REEP1: variants seen among roughly 807,000 people sequenced by gnomAD.
The protein encoded by REEP1 is receptor accessory protein 1, also known as receptor expression-enhancing protein 1.
In REEP1, 22 loss-of-function variants were observed where a neutral mutation model predicts 40.3. The observed-to-expected ratio is 0.55, with a 90% CI of 0.39 to 0.78. REEP1 has a LOEUF of 0.78. Among genes scored for constraint, REEP1 ranks in the 30% least tolerant of loss-of-function variants. The probability of loss-of-function intolerance (pLI) is 0.00; values close to 1 mark genes in which losing one functional copy is unlikely to be tolerated. For missense variants in REEP1, 280 were observed against 361.1 expected, an observed-to-expected ratio of 0.78 and a Z score of 1.82; for synonymous variants, 116 against 139.2, an observed-to-expected ratio of 0.83 and a Z score of 1.17.
At chr2:86,249,216 T>C (rs576857984) in intron 5 of REEP1, among the ~76,000 whole-genome samples, 15 of 151,372 alleles carry the variant, frequency 9.9e-5, no homozygotes, top group African/African-American at 3.6e-4. Context: ...GCTGAGATTG[T>C]ACCACTATAC....
intron 2 of REEP1, among the ~76,000 whole-genome samples, chr2:86,266,660 AAAAT>A (rs1313478910): frequency 6.1e-5 from 9 of 147,840 alleles, no homozygotes; most frequent in South Asian, 2.1e-4. Flanking sequence ...TAAAAAAAAT[AAAAT>A]AAATAAATAA....
At chr2:86,286,655 A>G (rs1003606157) in intron 1 of REEP1, among the ~76,000 whole-genome samples, 2 of 152,178 alleles carry the variant, frequency 1.3e-5, no homozygotes, top group Non-Finnish European at 2.9e-5. Flanking sequence ...CTGCTGGCCA[A>G]TGTCAGCGAA....
In REEP1 at chr2:86,315,398, A is replaced by C. The variant is rs570364411; in HGVS notation, c.32+22081T>G. On this transcript the variant is annotated intron_variant, in intron 1 of 8. Transcript: ENST00000538924. ...TGCACAGCCTGCCTAGCTCCAGCTT[A>C]CAATTTTATCATCTGGGGAAGAGAC... Among the ~76,000 whole-genome samples the C allele has an allele frequency of 1.1e-4, 16 of 152,350 alleles. No homozygotes were observed. In the South Asian group the frequency reaches 3.1e-3, roughly 30 times the overall value.
chr2:86,279,251 G>A (rs72940131), intron 2 of REEP1, among the ~76,000 whole-genome samples: 10,242 of 152,238 alleles, frequency 0.067, 533 homozygotes, highest in African/African-American at 0.13. Flanking sequence ...AGATTACAGC[G>A]CTGAAGACGT....
chr2:86,265,241 C>T (rs768875843), intron 2 of REEP1, among the ~76,000 whole-genome samples: 7 of 152,174 alleles, frequency 4.6e-5, no homozygotes, highest in Admixed American at 1.3e-4. Context: ...CTTCTGCCCA[C>T]TGTTGGGGAA....
chr2:86,263,576 T>C (rs200697088), intron 3 of REEP1, among the ~76,000 whole-genome samples: 1 of 152,228 alleles, frequency 6.6e-6, no homozygotes, highest in East Asian at 1.9e-4. Context: ...CAACTGTGAG[T>C]AGTGATTATG....
At chr2:86,259,607 C>T (rs555539172) in intron 3 of REEP1, among the ~76,000 whole-genome samples, 108 of 151,994 alleles carry the variant, frequency 7.1e-4, no homozygotes, top group African/African-American at 2.6e-3. Flanking sequence ...AGGTTGGTCT[C>T]GAACTCCTGG....
chr2:86,223,638 A>G (rs1016461459), intron 7 of REEP1: 1 of 152,282 alleles, frequency 6.6e-6, no homozygotes, highest in Non-Finnish European at 1.5e-5. Flanking sequence ...ACATGTAGAC[A>G]CACACATGCT....
chr2:86,226,462 TC>T (rs1558870451), intron 7 of REEP1, among the ~76,000 whole-genome samples: 8,959 of 56,546 alleles, frequency 0.16, 699 homozygotes, highest in East Asian at 0.41. Context: ...TGTGGCTTTT[TC>T]TTTTCTTTTT....
chr2:86,288,032 A>ATTATTTTTTTTTTTTTTTTTT (rs1558916454), intron 1 of REEP1, among the ~76,000 whole-genome samples: 27 of 149,750 alleles, frequency 1.8e-4, no homozygotes, highest in African/African-American at 6.6e-4. Context: ...TATTTTTATT[A>ATTATTTTTTTTTTTTTTTTTT]TTTTTTTGAG....
intron 1 of REEP1, among the ~76,000 whole-genome samples, chr2:86,318,481 C>A (rs1249637583): frequency 1.3e-5 from 2 of 150,972 alleles, no homozygotes; most frequent in Non-Finnish European, 3.0e-5. Context: ...CCACTGCAAC[C>A]TCCGCCTCCC....
rs59725112 is a variant in REEP1, at chr2:86,331,679, C to T, written c.32+5800G>A. Among the ~76,000 whole-genome samples the T allele has an allele frequency of 6.8e-3, 1,034 of 152,126 alleles. 10 individuals are homozygous for T. The highest frequency in any genetic ancestry group is 0.019 in the African/African-American group (806 of 41,494). ...AACTGCCAGGTGACTGACAAGGCCACGGGGAGAGGGAGAGATAGGATGTCA... is the reference window on the plus strand; with the variant it reads ...AACTGCCAGGTGACTGACAAGGCCATGGGGAGAGGGAGAGATAGGATGTCA... On this transcript the variant is annotated intron_variant, in intron 1 of 8. Coordinates refer to ENST00000538924, the MANE Select transcript of REEP1 (RefSeq NM_001371279.1).
At chr2:86,280,174 A>C (rs546346376) in intron 2 of REEP1, 3 of 391,630 alleles carry the variant, frequency 7.7e-6, no homozygotes, top group Non-Finnish European at 1.5e-5. Context: ...GAAACACAGG[A>C]GTGTGAGTGC....
chr2:86,332,436 A>AACACAC (rs55793634), intron 1 of REEP1, among the ~76,000 whole-genome samples: 35,319 of 135,820 alleles, frequency 0.26, 4,959 homozygotes, highest in East Asian at 0.49. Context: ...CTTTCCTGGA[A>AACACAC]ACACACACAC....
chr2:86,245,971 A>AG (rs1675928440), intron 5 of REEP1, among the ~76,000 whole-genome samples: 1 of 151,936 alleles, frequency 6.6e-6, no homozygotes, highest in African/African-American at 2.4e-5. Flanking sequence ...TCACCATGTT[A>AG]GCCAGGATGG....
chr2:86,282,147 C>A, intron 2 of REEP1, 23 bp downstream of exon 2: 2 of 1,567,124 alleles, frequency 1.3e-6, no homozygotes, highest in South Asian at 2.2e-5. Flanking sequence ...CCAACCCGCT[C>A]GAAAATACAC....
intron 1 of REEP1, among the ~76,000 whole-genome samples, chr2:86,333,964 C>G (rs979187854): frequency 6.6e-6 from 1 of 152,174 alleles, no homozygotes; most frequent in Non-Finnish European, 1.5e-5. Context: ...GAGCCTTGCC[C>G]GTGGGCACAA....
intron 8 of REEP1, among the ~76,000 whole-genome samples, chr2:86,218,211 C>T (rs1029233615): frequency 6.6e-6 from 1 of 152,190 alleles, no homozygotes; most frequent in Non-Finnish European, 1.5e-5. Context: ...AACCAGGCAT[C>T]GTCACCTCCT....
chr2:86,275,774 T>A (rs1282398097), intron 2 of REEP1, among the ~76,000 whole-genome samples: 5 of 152,194 alleles, frequency 3.3e-5, no homozygotes, highest in African/African-American at 1.2e-4. Flanking sequence ...TCTTCCTTCA[T>A]GACAGTCATT....
Sources: gnomAD v4.1 joint callset for allele counts (sites outside exome capture counted in the v4.1 genomes callset) on GRCh38, gnomAD v4.1.1 for gene constraint, MANE v1.5 for transcripts, NCBI Gene and HGNC (gene_info 2026-07-23, HGNC 2026-07-21) for gene names.